The following DLGAP1 variants were observed in gnomAD, a reference collection of about 807,000 sequenced individuals.
The protein encoded by DLGAP1 is disks large-associated protein 1.
A neutral mutation model predicts 90.8 loss-of-function variants in DLGAP1; 11 were observed. The observed-to-expected ratio is 0.12, with a 90% CI of 0.08 to 0.20. The LOEUF (loss-of-function observed/expected upper bound fraction) is 0.20. DLGAP1 is among the 10% of genes least tolerant of loss of function. The probability of loss-of-function intolerance (pLI) is 1.00; values close to 1 mark genes in which losing one functional copy is unlikely to be tolerated. For synonymous variants in DLGAP1, 558 were observed against 540.7 expected (o/e 1.03, Z -0.44); for missense variants, 1,050 against 1,333.8 (o/e 0.79, Z 3.31).
At chr18:3,616,001 A>G (rs1287029749) in intron 7 of DLGAP1, among the ~76,000 whole-genome samples, 1 of 152,230 alleles carries the variant, frequency 6.6e-6, no homozygotes, top group African/African-American at 2.4e-5. Context: ...TAGTGCAGCT[A>G]AGACCTTTCT....
At chr18:4,179,783 C>T (rs946690751) in intron 1 of DLGAP1, among the ~76,000 whole-genome samples, 2 of 152,142 alleles carry the variant, frequency 1.3e-5, no homozygotes, top group Non-Finnish European at 2.9e-5. Context: ...AAACTTCTGG[C>T]AACTTGAAAT....
At chr18:3,692,731 A>G (rs2060942165) in intron 7 of DLGAP1, among the ~76,000 whole-genome samples, 1 of 152,208 alleles carries the variant, frequency 6.6e-6, no homozygotes, top group African/African-American at 2.4e-5. Context: ...GGAGAGGGAT[A>G]TTATCTTAGA....
chr18:4,363,533 T>A (rs1028461767), intron 1 of DLGAP1, among the ~76,000 whole-genome samples: 1 of 152,128 alleles, frequency 6.6e-6, no homozygotes, highest in African/African-American at 2.4e-5. Flanking sequence ...ATCCAGAATC[T>A]ACAATGAACT....
chr18:3,579,119 A>G (rs761372113), intron 8 of DLGAP1, among the ~76,000 whole-genome samples: 44 of 152,274 alleles, frequency 2.9e-4, no homozygotes, highest in Admixed American at 7.8e-4. Context: ...TGGTGGGTGC[A>G]TCATCACCAC....
At chr18:3,962,526 T>A (rs1292734693) in intron 3 of DLGAP1, 2 of 152,192 alleles carry the variant, frequency 1.3e-5, no homozygotes, top group African/African-American at 2.4e-5. Flanking sequence ...TACCAAGCTG[T>A]GTACTTCAGG....
chr18:3,833,209 CCTTCCTTCCTTCCTTCCTTCCTTCCTT>C (rs1568210782), intron 4 of DLGAP1, among the ~76,000 whole-genome samples: 9 of 15,668 alleles, frequency 5.7e-4, no homozygotes, highest in Admixed American at 9.9e-4. Flanking sequence ...TTCCTTCCTT[CCTTCCTTCCTTCCTTCCTTCCTTCCTT>C]CCTCCTTGTT....
intron 2 of DLGAP1, among the ~76,000 whole-genome samples, chr18:4,012,964 C>T (rs2074454067): frequency 6.6e-6 from 1 of 152,212 alleles, no homozygotes; most frequent in African/African-American, 2.4e-5. Flanking sequence ...CTCGTCCTCC[C>T]AAAGTCCTGG....
At chr18:4,261,348 A>G (rs1292683307) in intron 1 of DLGAP1, among the ~76,000 whole-genome samples, 1 of 152,138 alleles carries the variant, frequency 6.6e-6, no homozygotes, top group Middle Eastern at 3.2e-3. Context: ...CCCATCCTCT[A>G]GCCCTGCTCC....
intron 2 of DLGAP1, among the ~76,000 whole-genome samples, chr18:4,075,922 T>A (rs1230342438): frequency 6.6e-6 from 1 of 152,176 alleles, no homozygotes; most frequent in Admixed American, 6.5e-5. Context: ...TTGTCTGAAA[T>A]TGAATCATGG....
intron 4 of DLGAP1, among the ~76,000 whole-genome samples, chr18:3,841,907 G>A (rs1287782666): frequency 6.6e-6 from 1 of 152,140 alleles, no homozygotes; most frequent in Non-Finnish European, 1.5e-5. Flanking sequence ...AAACGATCTA[G>A]TGGAAGAGTC....
At chr18:4,346,734 A>G (rs144343963) in intron 1 of DLGAP1, among the ~76,000 whole-genome samples, 151 of 152,324 alleles carry the variant, frequency 9.9e-4, no homozygotes, top group African/African-American at 3.4e-3. Flanking sequence ...CGTTTGTGAT[A>G]CAATAGCATT....
chr18:3,779,896 T>G (rs1292300391), intron 5 of DLGAP1, among the ~76,000 whole-genome samples: 1 of 151,990 alleles, frequency 6.6e-6, no homozygotes, highest in Admixed American at 6.5e-5. Flanking sequence ...TTCAAGCGAT[T>G]CTCCTGCCTC....
At chr18:3,741,184 A>AAC (rs2062980104) in intron 6 of DLGAP1, among the ~76,000 whole-genome samples, 1 of 51,422 alleles carries the variant, frequency 1.9e-5, no homozygotes, top group Non-Finnish European at 4.0e-5. Context: ...CACCACCACC[A>AAC]CCACCACCAC....
chr18:4,031,427 C>T (rs2074794491), intron 2 of DLGAP1, among the ~76,000 whole-genome samples: 1 of 152,086 alleles, frequency 6.6e-6, no homozygotes, highest in South Asian at 2.1e-4. Context: ...AATAATGGCC[C>T]CCTCATGAAA....
chr18:4,128,042 A>G (rs2076256342), intron 2 of DLGAP1, among the ~76,000 whole-genome samples: 1 of 152,170 alleles, frequency 6.6e-6, no homozygotes, highest in East Asian at 1.9e-4. Flanking sequence ...TTAGTTACAC[A>G]ATATTTCCCC....
chr18:4,108,971 C>T (rs1277870658), intron 2 of DLGAP1, among the ~76,000 whole-genome samples: 1 of 152,168 alleles, frequency 6.6e-6, no homozygotes, highest in Non-Finnish European at 1.5e-5. Flanking sequence ...AATAGTACAA[C>T]AGGTATAAGT....
In DLGAP1 at chr18:3,879,181, C is replaced by T. The variant is rs61746232; in HGVS notation, c.888G>A (p.Ser296=). 4,906 of 1,526,094 alleles carry T rather than the reference C, an allele frequency of 3.2e-3. 51 individuals carry two copies. Among genetic ancestry groups the T allele is most frequent in the African/African-American group, 0.029 (2,093 of 72,158 alleles). The allele number at this position is 1,526,094 out of a possible 1,614,324, so 94.5% of individuals were successfully genotyped here. ...SRAREVYQKA[S]VNMDQAMVKS... ...TCACCATGGCCTGGTCCATGTTCAC[C>T]GAGGCCTTCTGGTAAACCTCCCGGG... The change falls in exon 4 of 13, where the codon TCG becomes TCA. Residue 296 remains serine (S), a synonymous_variant. Coordinates refer to ENST00000315677, the MANE Select transcript of DLGAP1 (RefSeq NM_004746.4). This position sits in a 1 kb window ranked among gnomAD's most constrained non-coding sequence, Gnocchi z 6.6.
At position 4,192,067 on chromosome 18, in the gene DLGAP1, A is replaced by G. The variant is rs4142981; in HGVS notation, c.-266-40780T>C. 2.1e-3 allele frequency among the ~76,000 whole-genome samples: 326 copies of G among 152,292 alleles called. 2 individuals carry two copies. The East Asian group carries it at 0.023, about 11-fold the overall frequency. Reference sequence around the variant, plus strand: ...CAAATTTAGATAATATAATTAACATAATGAAGAAATGACTTCATCAATATA... The same window carrying G: ...CAAATTTAGATAATATAATTAACATGATGAAGAAATGACTTCATCAATATA... On this transcript the variant is annotated intron_variant, in intron 1 of 12. Transcript: ENST00000315677.
intron 1 of DLGAP1, among the ~76,000 whole-genome samples, chr18:4,214,766 G>A (rs1451616251): frequency 1.3e-5 from 2 of 152,128 alleles, no homozygotes; most frequent in Admixed American, 6.6e-5. Flanking sequence ...AACCTTAGCA[G>A]TGAATTCCAT....
Sources: allele counts gnomAD v4.1 joint callset (sites outside exome capture counted in the v4.1 genomes callset), GRCh38; gene constraint gnomAD v4.1.1; non-coding constraint Gnocchi (gnomAD v3.1); transcripts MANE v1.5; gene names NCBI Gene and HGNC (gene_info 2026-07-23, HGNC 2026-07-21).